Variants in LCLAT1 observed in about 807,000 individuals in gnomAD.
LCLAT1 encodes the protein lysocardiolipin acyltransferase 1.
A neutral mutation model predicts 30.7 loss-of-function variants in LCLAT1; 11 were observed. The ratio of observed to expected loss-of-function variants is 0.36; its 90% CI spans 0.23 to 0.59. The LOEUF (loss-of-function observed/expected upper bound fraction) is 0.59, where lower values mean the gene tolerates loss of function less well. Among genes scored for constraint, LCLAT1 ranks in the 20% least tolerant of loss-of-function variants. The pLI is 0.77. For missense variants in LCLAT1, 402 were observed against 458.6 expected, an observed-to-expected ratio of 0.88 and a Z score of 1.13; for synonymous variants, 155 against 151.3, an observed-to-expected ratio of 1.02 and a Z score of -0.18.
intron 3 of LCLAT1, among the ~76,000 whole-genome samples, chr2:30,538,397 C>T (rs189138121): frequency 0.011 from 1,610 of 152,262 alleles, 15 homozygotes; most frequent in Non-Finnish European, 0.017. Context: ...GGCTTTACCA[C>T]TTTGGGAGGC....
intron 1 of LCLAT1, among the ~76,000 whole-genome samples, chr2:30,488,814 C>T (rs941063124): frequency 3.3e-5 from 5 of 152,196 alleles, no homozygotes; most frequent in African/African-American, 1.2e-4. Flanking sequence ...GAATTCTGTC[C>T]TCAATGTCTG....
At chr2:30,488,350 G>A (rs538599013) in intron 1 of LCLAT1, among the ~76,000 whole-genome samples, 1 of 152,346 alleles carries the variant, frequency 6.6e-6, no homozygotes, top group South Asian at 2.1e-4. Context: ...TAAAGTAACA[G>A]TAGATTATTA....
At chr2:30,491,795 A>G (rs188128850) in intron 1 of LCLAT1, among the ~76,000 whole-genome samples, 1 of 152,176 alleles carries the variant, frequency 6.6e-6, no homozygotes, top group Non-Finnish European at 1.5e-5. Context: ...TGTAAGTTAT[A>G]TGTAGATGGT....
intron 1 of LCLAT1, among the ~76,000 whole-genome samples, chr2:30,453,156 C>T (rs1189921773): frequency 6.6e-6 from 1 of 152,140 alleles, no homozygotes; most frequent in African/African-American, 2.4e-5. Flanking sequence ...TAGTTCATTC[C>T]CTCGGGAGAA....
At chr2:30,634,181 C>T (rs1224159652) in intron 5 of LCLAT1, among the ~76,000 whole-genome samples, 1 of 152,120 alleles carries the variant, frequency 6.6e-6, no homozygotes, top group Non-Finnish European at 1.5e-5. Flanking sequence ...ACTATGGGCC[C>T]AAGTGAGTGT....
At chr2:30,457,686 A>C (rs917952121) in intron 1 of LCLAT1, among the ~76,000 whole-genome samples, 2 of 152,178 alleles carry the variant, frequency 1.3e-5, no homozygotes, top group African/African-American at 4.8e-5. Flanking sequence ...TTAGAGTTAT[A>C]GATAGAGGTG....
intron 1 of LCLAT1, among the ~76,000 whole-genome samples, chr2:30,485,507 T>G (rs948106454): frequency 2.0e-5 from 3 of 152,172 alleles, no homozygotes; most frequent in Non-Finnish European, 4.4e-5. Flanking sequence ...AGGAATTAAC[T>G]TTGTCTTAAA....
chr2:30,467,016 T>C (rs191362566), intron 1 of LCLAT1, among the ~76,000 whole-genome samples: 2 of 152,342 alleles, frequency 1.3e-5, no homozygotes, highest in East Asian at 3.9e-4. Flanking sequence ...TGTATACATG[T>C]GCCATGTTGG....
chr2:30,619,532 T>C (rs543268393), intron 5 of LCLAT1, among the ~76,000 whole-genome samples: 181 of 152,356 alleles, frequency 1.2e-3, no homozygotes, highest in Non-Finnish European at 1.6e-3. Flanking sequence ...AAAGATACTT[T>C]ACTCATGCAC....
intron 5 of LCLAT1, among the ~76,000 whole-genome samples, chr2:30,570,309 CAGTT>C (rs1392113444): frequency 6.6e-6 from 1 of 152,024 alleles, no homozygotes; most frequent in Non-Finnish European, 1.5e-5. Context: ...TAGAAAACAA[CAGTT>C]AGATGATTTT....
At chr2:30,536,620 G>T (rs1356817860) in intron 3 of LCLAT1, among the ~76,000 whole-genome samples, 1 of 152,186 alleles carries the variant, frequency 6.6e-6, no homozygotes, top group Non-Finnish European at 1.5e-5. Context: ...GGCCCTAAGA[G>T]AAATGATTAA....
chr2:30,487,512 C>T (rs532755472), intron 1 of LCLAT1, among the ~76,000 whole-genome samples: 2 of 152,126 alleles, frequency 1.3e-5, no homozygotes, highest in Admixed American at 1.3e-4. Context: ...CTGGGGGGTA[C>T]AGCAGTTAAT....
intron 1 of LCLAT1, among the ~76,000 whole-genome samples, chr2:30,471,446 G>T (rs1161098851): frequency 6.6e-6 from 1 of 151,356 alleles, no homozygotes; most frequent in Non-Finnish European, 1.5e-5. Flanking sequence ...CTGACCTCAA[G>T]TGATCCACCC....
chr2:30,572,712 T>G (rs1158010425), intron 5 of LCLAT1, among the ~76,000 whole-genome samples: 3 of 147,274 alleles, frequency 2.0e-5, no homozygotes, highest in African/African-American at 5.2e-5. Context: ...TCTTTGTAGG[T>G]TTTTTTTTTC....
At position 30,627,471 on chromosome 2, in the gene LCLAT1, C is replaced by T. The variant is rs906563595; in HGVS notation, c.629-12646C>T. Among the ~76,000 whole-genome samples the T allele has an allele frequency of 5.3e-5, 8 of 152,192 alleles. No individual in the cohort carries two copies. In the South Asian group the frequency reaches 1.0e-3, roughly 20 times the overall value. ...CATGAGCCATGCAGTTTGTTATGTT[C>T]GCAGGCTAGCTGCCCGTACTTAGAC... On this transcript the variant is annotated intron_variant, in intron 5 of 5. Transcript: ENST00000379509.
At chr2:30,491,794 T>C (rs1455290394) in intron 1 of LCLAT1, among the ~76,000 whole-genome samples, 1 of 152,208 alleles carries the variant, frequency 6.6e-6, no homozygotes, top group East Asian at 1.9e-4. Flanking sequence ...TTGTAAGTTA[T>C]ATGTAGATGG....
Position 30,459,749 on chromosome 2 carries a change from T to C in LCLAT1, c.-5+12366T>C, listed in dbSNP as rs1475601101. The C allele has an allele frequency of 2.0e-6, 3 of 1,494,734 alleles. No individual in the cohort carries two copies. The South Asian group carries it at 3.4e-5, about 17-fold the overall frequency. 92.6% of individuals were successfully genotyped at this position (1,494,734 alleles called of 1,614,324 possible). Reference sequence around the variant, plus strand: ...TAAGTCTTTGTAATGATTTAGATGCTTGAGGTTTTTGTCTTGCTTCATATA... The same window carrying C: ...TAAGTCTTTGTAATGATTTAGATGCCTGAGGTTTTTGTCTTGCTTCATATA... On this transcript the variant is annotated intron_variant, in intron 1 of 5. Transcript: ENST00000379509.
At chr2:30,464,536 T>C (rs911535709) in intron 1 of LCLAT1, among the ~76,000 whole-genome samples, 15 of 152,236 alleles carry the variant, frequency 9.9e-5, no homozygotes, top group Non-Finnish European at 1.8e-4. Context: ...AGACCCCTTC[T>C]TACCAATGTA....
chr2:30,466,117 C>A (rs972115756), intron 1 of LCLAT1, among the ~76,000 whole-genome samples: 4 of 152,062 alleles, frequency 2.6e-5, no homozygotes, highest in Non-Finnish European at 4.4e-5. Flanking sequence ...CCTAATTCTG[C>A]TTTTACCTAT....
Sources: gnomAD v4.1 joint callset for allele counts (sites outside exome capture counted in the v4.1 genomes callset) on GRCh38, gnomAD v4.1.1 for gene constraint, MANE v1.5 for transcripts, NCBI Gene and HGNC (gene_info 2026-07-23, HGNC 2026-07-21) for gene names.